DPP6: variants seen among roughly 807,000 people sequenced by gnomAD.
DPP6 encodes the protein dipeptidyl peptidase like 6, also known as A-type potassium channel modulatory protein DPP6.
In DPP6, 69 loss-of-function variants were observed where a neutral mutation model predicts 122.6. The ratio of observed to expected loss-of-function variants is 0.56; its 90% confidence interval spans 0.46 to 0.69. DPP6 has a LOEUF of 0.69. DPP6 is among the 30% of genes least tolerant of loss of function. The pLI is 0.00. For missense variants in DPP6, 928 were observed against 1,116.9 expected, an observed-to-expected ratio of 0.83 and a Z score of 2.41; for synonymous variants, 418 against 433.1, an observed-to-expected ratio of 0.97 and a Z score of 0.43.
chr7:154,768,196 C>T lies in DPP6; in HGVS notation c.884-1221C>T, dbSNP rs1016649204. On this transcript the variant is annotated intron_variant, in intron 8 of 25. Coordinates refer to ENST00000377770, the MANE Select transcript of DPP6 (RefSeq NM_130797.4). ...AGCCCCCCTTCATGAACCCTCCTCCCGGCCAGCTGGTCTCCTCCTGGTGCC... is the reference window on the plus strand; with the variant it reads ...AGCCCCCCTTCATGAACCCTCCTCCTGGCCAGCTGGTCTCCTCCTGGTGCC... 9.2e-5 allele frequency among the ~76,000 whole-genome samples: 14 copies of T among 152,358 alleles called. No homozygotes were observed. The East Asian group carries it at 1.7e-3, about 19-fold the overall frequency.
chr7:154,404,046 A>C (rs149818938), intron 1 of DPP6, among the ~76,000 whole-genome samples: 184 of 152,352 alleles, frequency 1.2e-3, no homozygotes, highest in Admixed American at 2.0e-3. Flanking sequence ...AACACACCCC[A>C]GAGATTAGCT....
At position 154,643,842 on chromosome 7, in the gene DPP6, G is replaced by A. The variant is rs140990863; in HGVS notation, c.680+5969G>A. Among the ~76,000 whole-genome samples, 514 of 152,322 alleles carry A rather than the reference G, an allele frequency of 3.4e-3. 2 individuals carry two copies. The highest frequency in any genetic ancestry group is 5.3e-3 in the Non-Finnish European group (363 of 68,030). On this transcript the variant is annotated intron_variant, in intron 6 of 25. Transcript: ENST00000377770. ...CAGTCTCAAGAAGGAAGTTTGACTT[G>A]AAGTGAGCCTGATAGCTGAGTTTTT...
chr7:153,883,181 T>A (rs1422611742), upstream of DPP6, among the ~76,000 whole-genome samples: 4 of 152,158 alleles, frequency 2.6e-5, no homozygotes, highest in Non-Finnish European at 5.9e-5. Flanking sequence ...CACCTTCACA[T>A]CCCTGTTTGT....
In DPP6 at chr7:154,374,462, C is replaced by T. The variant is rs558827006; in HGVS notation, c.244-71752C>T. Reference sequence around the variant, plus strand: ...CAAGAGCCATAGGAGTGCATTGACACGTGCAGACCCCGCAGGAACTGTGCA... The same window carrying T: ...CAAGAGCCATAGGAGTGCATTGACATGTGCAGACCCCGCAGGAACTGTGCA... On this transcript the variant is annotated intron_variant, in intron 1 of 25. Coordinates refer to ENST00000377770, the MANE Select transcript of DPP6 (RefSeq NM_130797.4). 4.6e-5 allele frequency among the ~76,000 whole-genome samples: 7 copies of T among 152,270 alleles called. No individual in the cohort carries two copies. In the Middle Eastern group the frequency reaches 0.014, roughly 296 times the overall value.
chr7:154,244,348 A>G (rs1296131646), intron 1 of DPP6, among the ~76,000 whole-genome samples: 2 of 152,190 alleles, frequency 1.3e-5, no homozygotes, highest in African/African-American at 2.4e-5. Context: ...GTGAAAAACA[A>G]TAAAATTAAG....
intron 1 of DPP6, among the ~76,000 whole-genome samples, chr7:153,946,024 T>G (rs921178736): frequency 6.6e-6 from 1 of 152,132 alleles, no homozygotes; most frequent in South Asian, 2.1e-4. Flanking sequence ...TTCACCTTCA[T>G]TGAAGCTGCA....
At chr7:153,826,425 A>C in the DPP6 span, among the ~76,000 whole-genome samples, 1 of 152,076 alleles carries the variant, frequency 6.6e-6, no homozygotes, top group African/African-American at 2.4e-5. Flanking sequence ...TCCCAACCCT[A>C]GTTGTCATTG....
intron 16 of DPP6, among the ~76,000 whole-genome samples, chr7:154,831,178 A>G (rs1299812474): frequency 6.6e-6 from 1 of 152,186 alleles, no homozygotes; most frequent in Non-Finnish European, 1.5e-5. Flanking sequence ...ATGAATCCAC[A>G]CCAATCCACG....
At chr7:154,507,758 C>T (rs1825771706) in intron 3 of DPP6, among the ~76,000 whole-genome samples, 1 of 152,082 alleles carries the variant, frequency 6.6e-6, no homozygotes, top group South Asian at 2.1e-4. Context: ...CTGAATGTAT[C>T]GATCAAGTAA....
At chr7:154,745,426 T>G in intron 8 of DPP6, among the ~76,000 whole-genome samples, 1 of 152,140 alleles carries the variant, frequency 6.6e-6, no homozygotes, top group East Asian at 1.9e-4. Context: ...CAGTAAATAT[T>G]TATTAACTAG....
intron 2 of DPP6, among the ~76,000 whole-genome samples, chr7:154,465,600 GA>G (rs1821712577): frequency 6.6e-6 from 1 of 152,114 alleles, no homozygotes; most frequent in Non-Finnish European, 1.5e-5. Context: ...AGAAACATAT[GA>G]AAAAAAGTTC....
intron 1 of DPP6, among the ~76,000 whole-genome samples, chr7:154,197,779 T>G (rs7804063): frequency 0.016 from 2,392 of 152,308 alleles, 47 homozygotes; most frequent in African/African-American, 0.055. Flanking sequence ...ACTAAGTAGT[T>G]AATTTAGAAT....
chr7:154,591,118 C>T (rs1049814094), intron 5 of DPP6, among the ~76,000 whole-genome samples: 21 of 152,100 alleles, frequency 1.4e-4, no homozygotes, highest in African/African-American at 3.6e-4. Context: ...GGTTATAGAC[C>T]GGTGGTGCAA....
intron 2 of DPP6, among the ~76,000 whole-genome samples, chr7:154,448,173 A>C (rs1036705974): frequency 1.3e-5 from 2 of 152,214 alleles, no homozygotes; most frequent in African/African-American, 4.8e-5. Flanking sequence ...TGTTGTATAT[A>C]GAAAATCTTA....
At chr7:154,593,638 G>A (rs1832928614) in intron 5 of DPP6, among the ~76,000 whole-genome samples, 1 of 152,156 alleles carries the variant, frequency 6.6e-6, no homozygotes, top group Non-Finnish European at 1.5e-5. Context: ...CAGAAGAACG[G>A]GCTGCAGCCC....
At chr7:154,082,453 GAGAGTCAAATCC>G (rs1267951150) in intron 1 of DPP6, among the ~76,000 whole-genome samples, 2 of 152,036 alleles carry the variant, frequency 1.3e-5, no homozygotes, top group Non-Finnish European at 2.9e-5. Flanking sequence ...TAATACTGCT[GAGAGTCAAATCC>G]CAGTTATTGC....
intron 6 of DPP6, among the ~76,000 whole-genome samples, chr7:154,664,762 T>A (rs1012890211): frequency 6.6e-6 from 1 of 152,074 alleles, no homozygotes; most frequent in South Asian, 2.1e-4. Flanking sequence ...CAATGAGATA[T>A]AAGCTATGAA....
At chr7:154,466,179 G>A (rs963499094) in intron 2 of DPP6, among the ~76,000 whole-genome samples, 1 of 151,988 alleles carries the variant, frequency 6.6e-6, no homozygotes, top group Non-Finnish European at 1.5e-5. Context: ...CACAGGGAGG[G>A]GAACATCACA....
intron 1 of DPP6, among the ~76,000 whole-genome samples, chr7:154,283,139 G>C (rs927570218): frequency 6.6e-6 from 1 of 152,166 alleles, no homozygotes; most frequent in African/African-American, 2.4e-5. Context: ...GTGGGCCCCA[G>C]TAATGCAATC....
Sources: gnomAD v4.1 joint callset for allele counts (sites outside exome capture counted in the v4.1 genomes callset) on GRCh38, gnomAD v4.1.1 for gene constraint, MANE v1.5 for transcripts, NCBI Gene and HGNC (gene_info 2026-07-23, HGNC 2026-07-21) for gene names.